Variants in CDHR3 observed in about 807,000 individuals in gnomAD.
CDHR3 encodes cadherin-related family member 3.
CDHR3 carries 79 observed loss-of-function variants against 86.6 expected under a neutral mutation model. That is an observed-to-expected ratio of 0.91 (90% CI 0.76 to 1.10). The LOEUF (loss-of-function observed/expected upper bound fraction) is 1.10. Among genes scored for constraint, CDHR3 ranks in the 50% least tolerant of loss-of-function variants. The pLI is 0.00. For synonymous variants in CDHR3, 421 were observed against 402.4 expected, an observed-to-expected ratio of 1.05 and a Z score of -0.55; for missense variants, 1,081 against 1,077.6, an observed-to-expected ratio of 1.00 and a Z score of -0.04.
At chr7:106,017,508 G>A (rs1835820525) in intron 11 of CDHR3, among the ~76,000 whole-genome samples, 3 of 151,228 alleles carry the variant, frequency 2.0e-5, no homozygotes, top group East Asian at 3.9e-4. Context: ...GCAATGAGCC[G>A]AGATCGCACC....
chr7:106,020,650 A>T, intron 13 of CDHR3, 106 bp downstream of exon 13: 1 of 1,279,966 alleles, frequency 7.8e-7, no homozygotes, highest in Non-Finnish European at 1.1e-6. Context: ...GTGGGATGGG[A>T]GTTGGGAGGG....
rs143940557 is a variant in CDHR3 at position 106,034,804 on chromosome 7, G to A, written c.*2107G>A. On this transcript the variant is annotated 3_prime_UTR_variant, in exon 19 of 19. Transcript: ENST00000317716. ...TTAAGAATGATTAAAAGGGCCGGGT[G>A]AGGTGGCTCATGCCTGTAATCCCAG... Among the ~76,000 whole-genome samples the A allele has an allele frequency of 6.6e-6, 1 of 152,366 alleles. No individual in the cohort carries two copies. Among genetic ancestry groups the A allele is most frequent in the African/African-American group, 2.4e-5 (1 of 41,592 alleles).
At chr7:106,000,922 AGGAAG>A (rs1563267880) in intron 6 of CDHR3, among the ~76,000 whole-genome samples, 3 of 65,972 alleles carry the variant, frequency 4.5e-5, no homozygotes, top group Non-Finnish European at 1.2e-4. Flanking sequence ...AAAAAAGACA[AGGAAG>A]AAAAAAAAGT....
intron 3 of CDHR3, among the ~76,000 whole-genome samples, chr7:105,981,588 C>G (rs1430418930): frequency 2.0e-5 from 3 of 152,210 alleles, no homozygotes; most frequent in Admixed American, 2.0e-4. Context: ...GGATCTCCCC[C>G]AAGCTCATGG....
At chr7:106,025,565 G>A (rs1254643284) in intron 15 of CDHR3, among the ~76,000 whole-genome samples, 1 of 152,172 alleles carries the variant, frequency 6.6e-6, no homozygotes, top group African/African-American at 2.4e-5. Context: ...CTATGCCCAA[G>A]TATCTTGAGG....
Position 105,980,541 on chromosome 7 carries a change from T to G in CDHR3, c.250-427T>G, listed in dbSNP as rs1422444604. Among the ~76,000 whole-genome samples the G allele has an allele frequency of 2.0e-5, 3 of 148,926 alleles. No homozygotes were observed. The East Asian group carries it at 5.9e-4, about 29-fold the overall frequency. On this transcript the variant is annotated intron_variant, in intron 2 of 18. Transcript: ENST00000317716. Reference sequence around the variant, plus strand: ...TGAGGAAATCTAACTATATTCAGGGTAGTTAAAGGATTTTTCTAGGAGCCT... The same window carrying G: ...TGAGGAAATCTAACTATATTCAGGGGAGTTAAAGGATTTTTCTAGGAGCCT...
chr7:106,004,765 C>T, intron 8 of CDHR3, 78 bp downstream of exon 8: 1 of 1,358,644 alleles, frequency 7.4e-7, no homozygotes, highest in Non-Finnish European at 1.0e-6. Flanking sequence ...CTGGTATATT[C>T]TCAGGAGAAT....
At chr7:106,003,975 T>A (rs1415972072) in intron 7 of CDHR3, among the ~76,000 whole-genome samples, 1 of 24,554 alleles carries the variant, frequency 4.1e-5, no homozygotes, top group South Asian at 1.1e-3. Flanking sequence ...GAAACTAAGG[T>A]AAACCAACCT....
intron 2 of CDHR3, among the ~76,000 whole-genome samples, chr7:105,975,344 AC>A (rs1828638973): frequency 6.6e-6 from 1 of 152,162 alleles, no homozygotes; most frequent in African/African-American, 2.4e-5. Context: ...TGGTGTGCCT[AC>A]AGTATCTAAA....
chr7:105,980,848 T>C (rs1364885470), intron 2 of CDHR3, 120 bp from the exon 3 acceptor site: 10 of 906,286 alleles, frequency 1.1e-5, no homozygotes, highest in Non-Finnish European at 1.5e-5. Flanking sequence ...TGACAGTGAA[T>C]GAATGCTGGT....
In CDHR3 at chr7:106,032,401, G is replaced by A; in HGVS notation, c.2362G>A (p.Glu788Lys). Reference protein sequence around the residue: ...DGEAIDPVTGETYEFNSKTGA... With the variant: ...DGEAIDPVTGKTYEFNSKTGA... The stretch of plus-strand genomic sequence containing the variant: ...TATTTTTTTTTCACTAGTGACCGGG[G>A]AAACATATGAATTCAACTCAAAAAC... The change falls in exon 19 of 19, where the codon GAA becomes AAA. Residue 788 changes from glutamate to lysine, a missense_variant. Physicochemically the swap from Glu to Lys is moderately conservative, Grantham distance 56. Coordinates refer to ENST00000317716, the MANE Select transcript of CDHR3 (RefSeq NM_152750.5). 5 of 1,606,002 alleles carry A rather than the reference G, an allele frequency of 3.1e-6. No individual in the cohort carries two copies. Among genetic ancestry groups the A allele is most frequent in the Non-Finnish European group, 4.3e-6 (5 of 1,174,518 alleles).
intron 1 of CDHR3, among the ~76,000 whole-genome samples, chr7:105,965,465 C>T (rs562276725): frequency 2.0e-5 from 3 of 151,906 alleles, no homozygotes; most frequent in African/African-American, 7.2e-5. Flanking sequence ...CAGAGTGAGA[C>T]TCCATCTCAA....
chr7:106,004,736 C>G, intron 8 of CDHR3, 49 bp downstream of exon 8: 1 of 1,564,946 alleles, frequency 6.4e-7, no homozygotes, highest in Non-Finnish European at 8.8e-7. Context: ...CTTTGGTGGC[C>G]CTCTGCCCTT....
intron 12 of CDHR3, among the ~76,000 whole-genome samples, chr7:106,019,463 C>G (rs1836207804): frequency 6.6e-6 from 1 of 151,730 alleles, no homozygotes; most frequent in Non-Finnish European, 1.5e-5. Context: ...CAATTTATTC[C>G]CGGGCTCAGA....
chr7:106,024,705 G>A (rs1052936166), intron 15 of CDHR3, 143 bp downstream of exon 15: 3 of 816,188 alleles, frequency 3.7e-6, no homozygotes, highest in Admixed American at 5.7e-5. Flanking sequence ...GGAGATACGG[G>A]GGAAGGAATC....
intron 4 of CDHR3, among the ~76,000 whole-genome samples, chr7:105,985,847 AAACTT>A (rs1464110463): frequency 2.0e-5 from 3 of 152,240 alleles, no homozygotes; most frequent in South Asian, 2.1e-4. Flanking sequence ...GCAAATAACA[AAACTT>A]AACCATGGGC....
rs1435677895 is a variant in CDHR3 at position 106,035,385 on chromosome 7, C to T, written c.*2688C>T. Among the ~76,000 whole-genome samples the T allele has an allele frequency of 2.6e-5, 4 of 152,132 alleles. No homozygotes were observed. In the South Asian group the frequency reaches 6.2e-4, roughly 24 times the overall value. On this transcript the variant is annotated 3_prime_UTR_variant, in exon 19 of 19. Coordinates refer to ENST00000317716, the MANE Select transcript of CDHR3 (RefSeq NM_152750.5). ...TGCTGCCCCGTTTCTTTTGTATATCCGGCTATTTGGTTCGGGGAAATCCAG... is the reference window on the plus strand; with the variant it reads ...TGCTGCCCCGTTTCTTTTGTATATCTGGCTATTTGGTTCGGGGAAATCCAG...
chr7:106,005,606 G>A (rs957050125), intron 8 of CDHR3, among the ~76,000 whole-genome samples: 1 of 152,180 alleles, frequency 6.6e-6, no homozygotes, highest in Non-Finnish European at 1.5e-5. Context: ...CATGGGGAGA[G>A]TCTCCTGAGT....
In CDHR3 at chr7:106,036,177, C is replaced by T. The variant is rs542281372; in HGVS notation, c.*3480C>T. ...TAGAAAGCAGGGTCTGAAACTCAGC[C>T]TGTGTAGCAAGCACGGGTGGCTCAC... On this transcript the variant is annotated 3_prime_UTR_variant, in exon 19 of 19. Transcript: ENST00000317716. 9 of 152,302 alleles carry T rather than the reference C, an allele frequency of 5.9e-5. No homozygotes were observed. Among genetic ancestry groups the T allele is most frequent in the Non-Finnish European group, 1.2e-4 (8 of 68,022 alleles). 9.4% of individuals were successfully genotyped at this position (152,302 alleles called of 1,614,324 possible).
Sources: gnomAD v4.1 joint callset for allele counts (sites outside exome capture counted in the v4.1 genomes callset) on GRCh38, gnomAD v4.1.1 for gene constraint, MANE v1.5 for transcripts, NCBI Gene and HGNC (gene_info 2026-07-23, HGNC 2026-07-21) for gene names.